The following GOLGB1 variants were observed in gnomAD, a reference collection of about 807,000 sequenced individuals.
The protein encoded by GOLGB1 is golgin B1, also known as golgin subfamily B member 1.
In GOLGB1, 174 loss-of-function variants were observed where a neutral mutation model predicts 336.9. That is an observed-to-expected ratio of 0.52 (90% CI 0.46 to 0.59). The LOEUF (loss-of-function observed/expected upper bound fraction) is 0.59, where lower values mean the gene tolerates loss of function less well. Among genes scored for constraint, GOLGB1 ranks in the 20% least tolerant of loss-of-function variants. The pLI is 0.00. For synonymous variants in GOLGB1, 1,208 were observed against 1,289.2 expected, an observed-to-expected ratio of 0.94 and a Z score of 1.35; for missense variants, 3,331 against 3,645.3, an observed-to-expected ratio of 0.91 and a Z score of 2.22.
At position 121,681,996 on chromosome 3, in the gene GOLGB1, A is replaced by T. The variant is rs185722923; in HGVS notation, c.8695-131T>A. The T allele has an allele frequency of 1.2e-4, 78 of 648,254 alleles. 1 individual carries two copies. In the East Asian group the frequency reaches 2.1e-3, roughly 17 times the overall value. 40.2% of individuals were successfully genotyped at this position (648,254 alleles called of 1,614,324 possible). A position where few individuals can be genotyped will look rare whatever the true frequency, so the allele number is the denominator to read the frequency against. ...CAGCACCTAACAGTCCACTGATGAC[A>T]TATCACTGCAACATAAGTCTCTAAA... On this transcript the variant is annotated intron_variant, in intron 14 of 21. Coordinates refer to ENST00000614479, the MANE Select transcript of GOLGB1 (RefSeq NM_001366282.2).
chr3:121,677,219 C>T (rs1940520966), intron 16 of GOLGB1, 66 bp downstream of exon 16: 10 of 1,332,272 alleles, frequency 7.5e-6, no homozygotes, highest in Non-Finnish European at 1.1e-5. Context: ...AAAACAAAAC[C>T]CTGCAATCAT....
In GOLGB1 at chr3:121,668,168, G is replaced by A. The variant is rs1328425778; in HGVS notation, c.9322-10C>T. ...CTATATTTAGTGGCCCCTGGAAGAAGAATAAGCTTAGTAATTCAGTGATGA... is the reference window on the plus strand; with the variant it reads ...CTATATTTAGTGGCCCCTGGAAGAAAAATAAGCTTAGTAATTCAGTGATGA... On this transcript the variant is annotated splice_polypyrimidine_tract_variant and intron_variant, in intron 18 of 21. Transcript: ENST00000614479. 6.7e-7 allele frequency: 1 copy of A among 1,484,122 alleles called. No individual in the cohort carries two copies. Among genetic ancestry groups the A allele is most frequent in the African/African-American group, 1.4e-5 (1 of 71,442 alleles). The allele number at this position is 1,484,122 out of a possible 1,614,324, so 91.9% of individuals were successfully genotyped here. A position where few individuals can be genotyped will look rare whatever the true frequency, so the allele number is the denominator to read the frequency against.
At chr3:121,727,300 ATATATATATATATATATATATTTTTTTT>A (rs1945710516) in intron 4 of GOLGB1, among the ~76,000 whole-genome samples, 2 of 20,784 alleles carry the variant, frequency 9.6e-5, no homozygotes, top group Non-Finnish European at 2.9e-4. Flanking sequence ...ACACATATAT[ATATATATATATATATATATATTTTTTTT>A]TTTTTTTTTT....
intron 1 of GOLGB1, 81 bp from the exon 2 acceptor site, chr3:121,731,054 C>T: frequency 7.3e-7 from 1 of 1,369,210 alleles, no homozygotes. Flanking sequence ...ACCATATCAT[C>T]CGTGAATGAA....
intron 1 of GOLGB1, among the ~76,000 whole-genome samples, chr3:121,735,531 C>T (rs1248822832): frequency 6.6e-6 from 1 of 152,074 alleles, no homozygotes; most frequent in Non-Finnish European, 1.5e-5. Context: ...AATTCTGAAA[C>T]TACTTCATTG....
At position 121,693,323 on chromosome 3, in the gene GOLGB1, C is replaced by A. The variant is rs377106326; in HGVS notation, c.6782+418G>T. On this transcript the variant is annotated intron_variant, in intron 13 of 21. Coordinates refer to ENST00000614479, the MANE Select transcript of GOLGB1 (RefSeq NM_001366282.2). ...CCAACATGGTGAAACCCCCTCTCTA[C>A]TAAAAATACAAAAAATTAGCTGGGC... Among the ~76,000 whole-genome samples, 20 of 152,064 alleles carry A rather than the reference C, an allele frequency of 1.3e-4. No individual in the cohort carries two copies. In the South Asian group the frequency reaches 1.5e-3, roughly 11 times the overall value.
chr3:121,745,319 C>T (rs34818685), intron 1 of GOLGB1, among the ~76,000 whole-genome samples: 2,506 of 108,832 alleles, frequency 0.023, 19 homozygotes, highest in East Asian at 0.18. Context: ...TACATATGTA[C>T]ACGTGTATGT....
At chr3:121,673,536 T>A (rs1939873863) in intron 17 of GOLGB1, among the ~76,000 whole-genome samples, 1 of 152,224 alleles carries the variant, frequency 6.6e-6, no homozygotes. Flanking sequence ...TTTAATGATA[T>A]TAATTCTTCT....
In GOLGB1 at chr3:121,698,494, G is replaced by C. The variant is rs902214580; in HGVS notation, c.2029C>G (p.Leu677Val). Residue 677 changes from leucine (L) to valine (V), a missense_variant, in exon 13 of 22, where the codon CTT (leucine) becomes GTT (valine). Leu to Val is a conservative substitution (Grantham distance 32, BLOSUM62 1). Transcript: ENST00000614479. ...TGACCAATATCTGGTACAGCAGAAA[G>C]GGATTTATCACCATCCTGCTTTGTT... The part of the protein sequence containing the change: ...KSTKQDGDKS[L>V]SAVPDIGQCH... 6.2e-7 allele frequency: 1 copy of C among 1,613,584 alleles called. No individual in the cohort carries two copies. The highest frequency in any genetic ancestry group is 1.3e-5 in the African/African-American group (1 of 75,008).
chr3:121,744,035 ACCCT>A (rs1488933546), intron 1 of GOLGB1, among the ~76,000 whole-genome samples: 5 of 152,024 alleles, frequency 3.3e-5, no homozygotes, highest in Non-Finnish European at 7.4e-5. Context: ...TTTCTGATTG[ACCCT>A]CCCTAGAAAG....
In GOLGB1 at chr3:121,696,568, T is replaced by C. The variant is rs1188107688; in HGVS notation, c.3955A>G (p.Ile1319Val). ...VAQIKAQLKE[I>V]EAEKVELELK... ...TCTAACTCTACTTTCTCAGCCTCTA[T>C]TTCCTTCAGCTGGGCCTTAATCTGG... Residue 1319 changes from isoleucine to valine, a missense_variant, in exon 13 of 22, where the codon ATA becomes GTA. Ile to Val is a conservative substitution (Grantham distance 29, BLOSUM62 3). Coordinates refer to ENST00000614479, the MANE Select transcript of GOLGB1 (RefSeq NM_001366282.2). The C allele has an allele frequency of 1.2e-6, 2 of 1,614,102 alleles. No homozygotes were observed. The highest frequency in any genetic ancestry group is 1.3e-5 in the African/African-American group (1 of 74,956).
intron 4 of GOLGB1, among the ~76,000 whole-genome samples, chr3:121,728,301 C>T (rs938586591): frequency 6.6e-6 from 1 of 152,150 alleles, no homozygotes; most frequent in Non-Finnish European, 1.5e-5. Context: ...CACTAACTAG[C>T]GATCCCAAAG....
At position 121,717,018 on chromosome 3, in the gene GOLGB1, C is replaced by G; in HGVS notation, c.1007G>C (p.Arg336Thr). The G allele has an allele frequency of 6.2e-7, 1 of 1,614,022 alleles. No individual in the cohort carries two copies. The highest frequency in any genetic ancestry group is 8.5e-7 in the Non-Finnish European group (1 of 1,179,928). ...LEKMELEVAE[R>T]KLSFHNLQEE... Reference sequence around the variant, plus strand: ...CTGCAGATTATGGAAGGATAATTTTCTCTCTGCCACTTCAAGTTCCATCTT... The same window carrying G: ...CTGCAGATTATGGAAGGATAATTTTGTCTCTGCCACTTCAAGTTCCATCTT... The change falls in exon 9 of 22, where the codon AGA becomes ACA. Residue 336 changes from arginine to threonine, a missense_variant. Coordinates refer to ENST00000614479, the MANE Select transcript of GOLGB1 (RefSeq NM_001366282.2).
chr3:121,749,895 T>G (rs1947637661), upstream of GOLGB1: 1 of 152,564 alleles, frequency 6.6e-6, no homozygotes, highest in Admixed American at 6.5e-5. Flanking sequence ...CTCCGCTTCC[T>G]CAAAGAAACA....
intron 5 of GOLGB1, among the ~76,000 whole-genome samples, chr3:121,722,970 A>G (rs1490239748): frequency 1.3e-5 from 2 of 152,216 alleles, no homozygotes; most frequent in African/African-American, 4.8e-5. Flanking sequence ...CTGAACTCTC[A>G]CAACTGACTC....
rs751031926 is a variant in GOLGB1 at position 121,717,109 on chromosome 3, C to G, written c.916G>C (p.Ala306Pro). The G allele has an allele frequency of 6.2e-7, 1 of 1,611,970 alleles. No homozygotes were observed. The highest frequency in any genetic ancestry group is 2.2e-5 in the East Asian group (1 of 44,876). Residue 306 changes from alanine (A) to proline (P), a missense_variant, in exon 9 of 22, where the codon GCT becomes CCT. Coordinates refer to ENST00000614479, the MANE Select transcript of GOLGB1 (RefSeq NM_001366282.2). Reference sequence around the variant, plus strand: ...GTGTTCCTCAAAGTATTATGCTCAGCTTCCATCTGCTGTAACTGCTGAGAG... The same window carrying G: ...GTGTTCCTCAAAGTATTATGCTCAGGTTCCATCTGCTGTAACTGCTGAGAG... ...ILSQQLQQMEAEHNTLRNTVE... is the reference protein window; with the variant it reads ...ILSQQLQQMEPEHNTLRNTVE...
intron 10 of GOLGB1, among the ~76,000 whole-genome samples, chr3:121,703,560 T>C (rs1451299679): frequency 1.2e-4 from 18 of 152,234 alleles, no homozygotes; most frequent in Non-Finnish European, 4.4e-5. Flanking sequence ...AATGTATTTG[T>C]TGGACTGACT....
chr3:121,706,705 G>A (rs1422622063), intron 10 of GOLGB1, among the ~76,000 whole-genome samples: 1 of 107,698 alleles, frequency 9.3e-6, no homozygotes, highest in Non-Finnish European at 1.7e-5. Flanking sequence ...CTGCACTCCA[G>A]CCTGGATGAC....
intron 5 of GOLGB1, among the ~76,000 whole-genome samples, chr3:121,726,612 A>G (rs1479332640): frequency 2.6e-5 from 4 of 151,878 alleles, no homozygotes; most frequent in African/African-American, 7.2e-5. Context: ...ACACAAAAAC[A>G]AACAAAAAAT....
Sources: allele counts gnomAD v4.1 joint callset (sites outside exome capture counted in the v4.1 genomes callset), GRCh38; gene constraint gnomAD v4.1.1; transcripts MANE v1.5; gene names NCBI Gene and HGNC (gene_info 2026-07-23, HGNC 2026-07-21).